Variants in MAN2B1 observed in about 807,000 individuals in gnomAD.
The protein encoded by MAN2B1 is lysosomal alpha-mannosidase.
In MAN2B1, 99 loss-of-function variants were observed where a neutral mutation model predicts 127.5. The ratio of observed to expected loss-of-function variants is 0.78; its 90% CI spans 0.66 to 0.92. The LOEUF (loss-of-function observed/expected upper bound fraction) is 0.92. MAN2B1 is among the 40% of genes least tolerant of loss of function. The pLI is 0.00. For synonymous variants in MAN2B1, 573 were observed against 568.8 expected, an observed-to-expected ratio of 1.01 and a Z score of -0.11; for missense variants, 1,304 against 1,384.8, an observed-to-expected ratio of 0.94 and a Z score of 0.93.
At chr19:12,662,172 A>T (rs1015269599) in intron 6 of MAN2B1, among the ~76,000 whole-genome samples, 11 of 151,960 alleles carry the variant, frequency 7.2e-5, no homozygotes, top group Admixed American at 2.0e-4. Flanking sequence ...GGAAAAAAAA[A>T]TTTTTTTAAG....
chr19:12,665,983 C>G (rs997609764), intron 1 of MAN2B1, among the ~76,000 whole-genome samples, 178 bp from the exon 2 acceptor site: 1 of 152,218 alleles, frequency 6.6e-6, no homozygotes, highest in Non-Finnish European at 1.5e-5. Flanking sequence ...ATAGATACAA[C>G]TCCACTTTGC....
chr19:12,660,742 C>T (rs1266482958), intron 7 of MAN2B1, among the ~76,000 whole-genome samples: 1 of 149,022 alleles, frequency 6.7e-6, no homozygotes, highest in Non-Finnish European at 1.5e-5. Context: ...CCTGGTGAGA[C>T]TCAGGCTGGA....
At position 12,649,915 on chromosome 19, in the gene MAN2B1, C is replaced by T. The variant is rs1177894927; in HGVS notation, c.2265G>A (p.Arg755=). ...CAGTGCTCTCAGTCACCCCCCACCT[C>T]CTCTCCAGGATCTCCCGGCCATTGC... The part of the protein sequence containing the change: ...TDSNGREILE[R]RRDYRPTWKL... Residue 755 remains arginine, a splice_region_variant and synonymous_variant, in exon 18 of 24, where the codon AGG becomes AGA. Transcript: ENST00000456935. 1.2e-6 allele frequency: 2 copies of T among 1,612,720 alleles called. No individual in the cohort carries two copies. Among genetic ancestry groups the T allele is most frequent in the Admixed American group, 3.3e-5 (2 of 59,960 alleles).
Position 12,647,353 on chromosome 19 carries a change from G to A in MAN2B1, c.2821-18C>T. 1.2e-6 allele frequency: 2 copies of A among 1,612,320 alleles called. No homozygotes were observed. The highest frequency in any genetic ancestry group is 1.7e-6 in the Non-Finnish European group (2 of 1,178,340). On this transcript the variant is annotated intron_variant, in intron 22 of 23. Coordinates refer to ENST00000456935, the MANE Select transcript of MAN2B1 (RefSeq NM_000528.4). This position sits in a 1 kb window ranked among gnomAD's most constrained non-coding sequence, Gnocchi z 4.9. ...AACAGGTCCTGCGGGGAAGGGGATG[G>A]GCCCAGATGAGTTGGGGCAAAGCCA... is the stretch of plus-strand genomic sequence containing the variant.
rs1275680526 is a variant in MAN2B1, at chr19:12,647,527, C to G, written c.2736G>C (p.Met912Ile). 6.2e-7 allele frequency: 1 copy of G among 1,614,102 alleles called. No individual in the cohort carries two copies. The highest frequency in any genetic ancestry group is 8.5e-7 in the Non-Finnish European group (1 of 1,180,044). The change falls in exon 22 of 24, where the codon ATG (methionine) becomes ATC (isoleucine). Residue 912 changes from methionine (M) to isoleucine (I), a missense_variant. Met to Ile is a conservative substitution (Grantham distance 10). Transcript: ENST00000456935. This position sits in a 1 kb window ranked among gnomAD's most constrained non-coding sequence, Gnocchi z 4.9. ...ACTGGTGCTCCAAGCGCAGCAGCACCATTTCGGGGCCCCAGCTGGCCAGCG... is the reference window on the plus strand; with the variant it reads ...ACTGGTGCTCCAAGCGCAGCAGCACGATTTCGGGGCCCCAGCTGGCCAGCG... ...LLTLASWGPE[M>I]VLLRLEHQFA...
chr19:12,662,448 T>A (rs958078958), intron 6 of MAN2B1, among the ~76,000 whole-genome samples: 2 of 150,718 alleles, frequency 1.3e-5, no homozygotes, highest in Admixed American at 6.6e-5. Context: ...GCCAATATGG[T>A]GAAACCCCCT....
rs1555705992 is a variant in MAN2B1, at chr19:12,647,233, CTG to C, written c.2921_2922del (p.Thr974ArgfsTer?). ...TCCCTACCCCTGACCAGGGCCCCAC[CTG>C]TGTTTGTTGTCCACTTGAGCCTGGA... is the stretch of plus-strand genomic sequence containing the variant. ...AASRLKWTTN[T>X]GPTPHQTPYQ... On this transcript the variant is annotated frameshift_variant and splice_region_variant, in exon 23 of 24. Coordinates refer to ENST00000456935, the MANE Select transcript of MAN2B1 (RefSeq NM_000528.4). LOFTEE classifies it low-confidence loss of function (END_TRUNC). The surrounding 1 kb of genome is among the most constrained non-coding windows in gnomAD (Gnocchi z 4.9). 6.2e-7 allele frequency: 1 copy of C among 1,613,326 alleles called. No individual in the cohort carries two copies. The highest frequency in any genetic ancestry group is 8.5e-7 in the Non-Finnish European group (1 of 1,179,306).
intron 16 of MAN2B1, among the ~76,000 whole-genome samples, chr19:12,651,904 C>T (rs1490033382): frequency 2.6e-5 from 4 of 152,180 alleles, no homozygotes; most frequent in South Asian, 4.1e-4. Context: ...AGTATGTAAA[C>T]GTCCACAGCA....
chr19:12,665,717 T>G lies in MAN2B1; in HGVS notation c.248A>C (p.Gln83Pro). The change falls in exon 2 of 24, where the codon CAG (glutamine) becomes CCG (proline). Residue 83 changes from glutamine to proline, a missense_variant. Coordinates refer to ENST00000456935, the MANE Select transcript of MAN2B1 (RefSeq NM_000528.4). ...CCTCTACTCACTTCCATAAAAGTAC[T>G]GGTCCACGGTTTTGAGCCAGCCCAC... is the stretch of plus-strand genomic sequence containing the variant. ...DDVGWLKTVD[Q>P]YFYGIKNDIQ... 6.2e-7 allele frequency: 1 copy of G among 1,614,138 alleles called. No homozygotes were observed. The highest frequency in any genetic ancestry group is 8.5e-7 in the Non-Finnish European group (1 of 1,179,984).
chr19:12,655,926 G>T, intron 13 of MAN2B1, 47 bp from the exon 14 acceptor site: 1 of 1,525,770 alleles, frequency 6.6e-7, no homozygotes, highest in Non-Finnish European at 9.1e-7. Context: ...CCCATGGAAA[G>T]CTATACATGC....
rs1439136027 is a variant in MAN2B1 at position 12,666,684 on chromosome 19, C to G, written c.18G>C (p.Arg6=). 1.9e-6 allele frequency: 3 copies of G among 1,550,688 alleles called. No homozygotes were observed. The highest frequency in any genetic ancestry group is 2.6e-6 in the Non-Finnish European group (3 of 1,147,362). The part of the protein sequence containing the change: MGAYA[R]ASGVCARGCL... ...AGCCGCGAGCGCAGACCCCCGAAGC[C>G]CGCGCGTAGGCGCCCATGGCTCAGC... The change falls in exon 1 of 24, where the codon CGG becomes CGC. Residue 6 remains arginine, a synonymous_variant. Coordinates refer to ENST00000456935, the MANE Select transcript of MAN2B1 (RefSeq NM_000528.4).
intron 7 of MAN2B1, chr19:12,658,745 A>C (rs1346445761): frequency 1.1e-5 from 6 of 563,398 alleles, no homozygotes; most frequent in Non-Finnish European, 1.9e-5. Flanking sequence ...AATTTTACTA[A>C]ACTTTTACAA....
At position 12,666,574 on chromosome 19, in the gene MAN2B1, G is replaced by A. The variant is rs867517934; in HGVS notation, c.128C>T (p.Ala43Val). 3 of 1,587,056 alleles carry A rather than the reference G, an allele frequency of 1.9e-6. No individual in the cohort carries two copies. Among genetic ancestry groups the A allele is most frequent in the Non-Finnish European group, 2.6e-6 (3 of 1,167,038 alleles). Reference protein sequence around the residue: ...PPLCFFLLLLAAAGARAGGYE... With the variant: ...PPLCFFLLLLVAAGARAGGYE... ...TCCCCCGGCCCGAGCACCGGCAGCCGCCAGCAACAAAAGGAAAAAGCAGAG... is the reference window on the plus strand; with the variant it reads ...TCCCCCGGCCCGAGCACCGGCAGCCACCAGCAACAAAAGGAAAAAGCAGAG... The change falls in exon 1 of 24, where the codon GCG (alanine) becomes GTG (valine). Residue 43 changes from alanine (A) to valine (V), a missense_variant. Ala to Val is a moderately conservative substitution (Grantham distance 64). Transcript: ENST00000456935.
intron 3 of MAN2B1, 87 bp downstream of exon 3, chr19:12,665,265 C>T: frequency 9.3e-6 from 14 of 1,513,264 alleles, no homozygotes; most frequent in Non-Finnish European, 1.3e-5. Context: ...ACAGCTTGCA[C>T]GTGGCATGAC....
intron 16 of MAN2B1, 135 bp from the exon 17 acceptor site, chr19:12,650,357 CTTTTTTTT>C (rs35532533): frequency 1.0e-5 from 5 of 493,688 alleles, no homozygotes; most frequent in South Asian, 2.0e-5. Flanking sequence ...CCACATAATT[CTTTTTTTT>C]TTTTTTTTTT....
rs1346520961 is a variant in MAN2B1 at position 12,666,647 on chromosome 19, C to T, written c.55G>A (p.Ala19Thr). Residue 19 changes from alanine to threonine, a missense_variant, in exon 1 of 24, where the codon GCA becomes ACA. Physicochemically the swap from Ala to Thr is moderately conservative, Grantham distance 58. Coordinates refer to ENST00000456935, the MANE Select transcript of MAN2B1 (RefSeq NM_000528.4). ...GCGCGGGACATGGTCCAGGGGCCTG[C>T]TGAGTCCAGGCAGCCGCGAGCGCAG... The part of the protein sequence containing the change: ...GVCARGCLDS[A>T]GPWTMSRALR... The T allele has an allele frequency of 9.0e-6, 14 of 1,553,534 alleles. No homozygotes were observed. The highest frequency in any genetic ancestry group is 1.2e-5 in the Non-Finnish European group (14 of 1,148,712).
intron 21 of MAN2B1, 147 bp downstream of exon 21, chr19:12,648,028 G>C: frequency 1.2e-6 from 1 of 822,612 alleles, no homozygotes; most frequent in Non-Finnish European, 2.0e-6. Context: ...ACTGGGCGGG[G>C]ACTGCCCAGG....
chr19:12,663,674 G>A (rs1291792543), intron 5 of MAN2B1, 29 bp downstream of exon 5: 1 of 1,591,728 alleles, frequency 6.3e-7, no homozygotes, highest in East Asian at 2.3e-5. Flanking sequence ...TGGCACCATG[G>A]CTGGCCCTGC....
Position 12,665,361 on chromosome 19 carries a change from C to T in MAN2B1, c.427G>A (p.Val143Met), listed in dbSNP as rs1420612834. 26 of 1,606,418 alleles carry T rather than the reference C, an allele frequency of 1.6e-5. No individual in the cohort carries two copies. The highest frequency in any genetic ancestry group is 2.1e-5 in the Non-Finnish European group (25 of 1,179,994). ...CTTGGGGTAGGCTCACCCTGGCGCA[C>T]AAGGTCTCGCACGACTTCCTGTGTG... The part of the protein sequence containing the change: ...NATQEVVRDL[V>M]RQGRLEFANG... The change falls in exon 3 of 24, where the codon GTG becomes ATG. Residue 143 changes from valine (V) to methionine (M), a missense_variant. Transcript: ENST00000456935.
Sources: allele counts gnomAD v4.1 joint callset (sites outside exome capture counted in the v4.1 genomes callset), GRCh38; gene constraint gnomAD v4.1.1; non-coding constraint Gnocchi (gnomAD v3.1); transcripts MANE v1.5; gene names NCBI Gene and HGNC (gene_info 2026-07-23, HGNC 2026-07-21).